The following LTBP2 variants were observed in gnomAD, a reference collection of about 807,000 sequenced individuals.
The protein encoded by LTBP2 is latent transforming growth factor beta binding protein 2.
LTBP2 carries 103 observed loss-of-function variants against 210.6 expected under a neutral mutation model. The observed-to-expected ratio is 0.49, with a 90% CI of 0.42 to 0.58. LTBP2 has a LOEUF of 0.58. LTBP2 is among the 20% of genes least tolerant of loss of function. The probability of loss-of-function intolerance (pLI) is 0.00; values close to 1 mark genes in which losing one functional copy is unlikely to be tolerated. For synonymous variants in LTBP2, 1,007 were observed against 1,015.0 expected (o/e 0.99, Z 0.15); for missense variants, 2,313 against 2,494.5 (o/e 0.93, Z 1.55).
chr14:74,587,205 C>T (rs2088218921), intron 2 of LTBP2, among the ~76,000 whole-genome samples: 1 of 152,260 alleles, frequency 6.6e-6, no homozygotes, highest in Non-Finnish European at 1.5e-5. Flanking sequence ...TGGCTCACAC[C>T]GCACCCTCGA....
chr14:74,611,536 G>A lies in LTBP2; in HGVS notation c.409C>T (p.Arg137Trp), dbSNP rs752572109. 9.6e-6 allele frequency: 15 copies of A among 1,556,812 alleles called. No homozygotes were observed. The East Asian group carries it at 3.6e-4, about 37-fold the overall frequency. Residue 137 changes from arginine (R) to tryptophan (W), a missense_variant, in exon 1 of 36, where the codon CGG (arginine) becomes TGG (tryptophan). Arg to Trp is a moderately radical substitution (Grantham distance 101, BLOSUM62 -3). This residue lies in a region of LTBP2 where 1,867 missense variants were observed against 1,976.9 expected (regional missense o/e 0.94). Transcript: ENST00000261978. ...AGGCGTGGGAGAGCCGGCGCGGCCC[G>A]GGTCCGGGGTGCTGGTTGCTGCTGG... ...LGQQQPAPRT[R>W]AAPALPRLGT...
At chr14:74,501,174 C>G in intron 35 of LTBP2, 145 bp from the exon 36 acceptor site, 1 of 1,099,858 alleles carries the variant, frequency 9.1e-7, no homozygotes, top group Non-Finnish European at 1.4e-6. Context: ...TTCCCAAAAC[C>G]AAGCAACTCA....
chr14:74,504,397 G>C (rs2086956319), intron 30 of LTBP2, among the ~76,000 whole-genome samples: 1 of 152,230 alleles, frequency 6.6e-6, no homozygotes, highest in Non-Finnish European at 1.5e-5. Flanking sequence ...CTGTGAGTGT[G>C]TGTTCCCCAG....
At chr14:74,564,125 TTA>T (rs1363933496) in intron 3 of LTBP2, among the ~76,000 whole-genome samples, 34 of 16,156 alleles carry the variant, frequency 2.1e-3, no homozygotes, top group African/African-American at 6.9e-3. Context: ...ATATATATAT[TTA>T]TATATATATT....
chr14:74,585,025 C>T (rs751899410), intron 3 of LTBP2, among the ~76,000 whole-genome samples: 2 of 152,126 alleles, frequency 1.3e-5, no homozygotes, highest in African/African-American at 2.4e-5. Flanking sequence ...AAGCAGAAAG[C>T]GAATGGAAAA....
At chr14:74,601,471 C>T (rs576662013) in intron 2 of LTBP2, among the ~76,000 whole-genome samples, 15 of 152,336 alleles carry the variant, frequency 9.8e-5, no homozygotes, top group African/African-American at 3.4e-4. Flanking sequence ...AGGGCCTGAC[C>T]TCTGAGCCGC....
intron 18 of LTBP2, among the ~76,000 whole-genome samples, chr14:74,512,040 C>A (rs1369076092): frequency 1.3e-5 from 2 of 152,186 alleles, no homozygotes; most frequent in African/African-American, 4.8e-5. Context: ...AAATGGACAC[C>A]CAGGGGACGA....
chr14:74,604,167 A>AC (rs1307590530), intron 1 of LTBP2, among the ~76,000 whole-genome samples: 9 of 149,108 alleles, frequency 6.0e-5, no homozygotes, highest in African/African-American at 2.2e-4. Context: ...CTCTCACCAA[A>AC]AAAAAAAAAA....
chr14:74,526,669 A>G (rs1243890164), intron 13 of LTBP2, among the ~76,000 whole-genome samples: 1 of 152,186 alleles, frequency 6.6e-6, no homozygotes, highest in Admixed American at 6.5e-5. Flanking sequence ...GGGGGACATC[A>G]TATGGTGGCC....
chr14:74,552,215 A>G lies in LTBP2; in HGVS notation c.1371T>C (p.Thr457=), dbSNP rs150993952. Reference sequence around the variant, plus strand: ...GCTGGTTGGAGAGCGGCAGTGTGAAAGTGGACTGCTTCAGTGGGGCTTCCA... The same window carrying G: ...GCTGGTTGGAGAGCGGCAGTGTGAAGGTGGACTGCTTCAGTGGGGCTTCCA... ...ALLEAPLKQS[T]FTLPLSNQLA... Residue 457 remains threonine, a synonymous_variant, in exon 6 of 36, where the codon ACT becomes ACC. Coordinates refer to ENST00000261978, the MANE Select transcript of LTBP2 (RefSeq NM_000428.3). 5.3e-4 allele frequency: 858 copies of G among 1,611,850 alleles called. 6 individuals carry two copies. The African/African-American group carries it at 1.0e-2, about 19-fold the overall frequency.
In LTBP2 at chr14:74,500,096, C is replaced by A; in HGVS notation, c.*788G>T. 1 of 233,198 alleles carries A rather than the reference C, an allele frequency of 4.3e-6. No individual in the cohort carries two copies. Among genetic ancestry groups the A allele is most frequent in the Non-Finnish European group, 8.5e-6 (1 of 118,114 alleles). 14.4% of individuals were successfully genotyped at this position (233,198 alleles called of 1,614,324 possible). ...TGGCAGCCCTTGCTGCTGGTGCCCA[C>A]AGGCTATCACTGGGCGGATTCAGCT... On this transcript the variant is annotated 3_prime_UTR_variant, in exon 36 of 36. Coordinates refer to ENST00000261978, the MANE Select transcript of LTBP2 (RefSeq NM_000428.3).
chr14:74,587,840 G>A (rs2088229304), intron 2 of LTBP2, among the ~76,000 whole-genome samples: 1 of 152,178 alleles, frequency 6.6e-6, no homozygotes, highest in Non-Finnish European at 1.5e-5. Context: ...CCTGGCCCAT[G>A]TCACAGAGAC....
chr14:74,544,044 G>T (rs1249641390), intron 8 of LTBP2, among the ~76,000 whole-genome samples: 1 of 152,210 alleles, frequency 6.6e-6, no homozygotes, highest in Admixed American at 6.5e-5. Context: ...GGTTGGGAGG[G>T]TGCTCACTTA....
rs1000966934 is a variant in LTBP2 at position 74,515,459 on chromosome 14, G to A, written c.2908+1363C>T. Among the ~76,000 whole-genome samples the A allele has an allele frequency of 2.5e-4, 38 of 152,154 alleles. 1 individual carries two copies. Among genetic ancestry groups the A allele is most frequent in the African/African-American group, 7.2e-4 (30 of 41,508 alleles). On this transcript the variant is annotated intron_variant, in intron 18 of 35. Coordinates refer to ENST00000261978, the MANE Select transcript of LTBP2 (RefSeq NM_000428.3). Reference sequence around the variant, plus strand: ...TTTAGTAGAGACAGGGTTTCACCACGTTGGCCAGGCTAGTCTTGAACTGCT... The same window carrying A: ...TTTAGTAGAGACAGGGTTTCACCACATTGGCCAGGCTAGTCTTGAACTGCT...
chr14:74,522,705 C>T, intron 16 of LTBP2, 85 bp downstream of exon 16: 5 of 1,483,128 alleles, frequency 3.4e-6, no homozygotes, highest in Middle Eastern at 1.9e-4. Context: ...CCTTCTGCTT[C>T]TTCCTGGACT....
At chr14:74,580,349 T>G (rs1035923218) in intron 3 of LTBP2, among the ~76,000 whole-genome samples, 5 of 152,182 alleles carry the variant, frequency 3.3e-5, no homozygotes, top group African/African-American at 1.2e-4. Flanking sequence ...TAGGTTTAGA[T>G]GACTTCACAC....
At position 74,611,972 on chromosome 14, in the gene LTBP2, C is replaced by T. The variant is rs1010308167; in HGVS notation, c.-28G>A. ...CGCGGGGCGGCTGGAGAGTGGTGCG[C>T]GCGGGCACCGCGAAGAGCTTTGTGG... On this transcript the variant is annotated 5_prime_UTR_variant, in exon 1 of 36. Transcript: ENST00000261978. 2 of 1,531,508 alleles carry T rather than the reference C, an allele frequency of 1.3e-6. No individual in the cohort carries two copies. The highest frequency in any genetic ancestry group is 1.4e-5 in the African/African-American group (1 of 71,876). 94.9% of individuals were successfully genotyped at this position (1,531,508 alleles called of 1,614,324 possible).
chr14:74,540,837 A>AT (rs1192446632), intron 8 of LTBP2, among the ~76,000 whole-genome samples: 2 of 29,526 alleles, frequency 6.8e-5, no homozygotes, highest in African/African-American at 1.4e-4. Context: ...TATAATATAT[A>AT]TTTATATATA....
intron 18 of LTBP2, among the ~76,000 whole-genome samples, chr14:74,513,105 C>T (rs903149423): frequency 2.6e-5 from 4 of 152,190 alleles, no homozygotes; most frequent in South Asian, 4.1e-4. Flanking sequence ...GATCAGGCAA[C>T]GTGGGAAGGA....
Sources: allele counts gnomAD v4.1 joint callset (sites outside exome capture counted in the v4.1 genomes callset), GRCh38; gene constraint gnomAD v4.1.1; regional missense constraint gnomAD v4.1.1; transcripts MANE v1.5; gene names NCBI Gene and HGNC (gene_info 2026-07-23, HGNC 2026-07-21).